Variants in DLG1 observed in about 807,000 individuals in gnomAD.
The protein encoded by DLG1 is discs large MAGUK scaffold protein 1.
Under a neutral mutation model 123.4 loss-of-function variants are expected in DLG1, and 42 were observed. The ratio of observed to expected loss-of-function variants is 0.34; its 90% CI spans 0.27 to 0.44. The LOEUF (loss-of-function observed/expected upper bound fraction) is 0.44, where lower values mean the gene tolerates loss of function less well. Ranked by LOEUF, DLG1 falls within the 20% of genes least tolerant of loss-of-function variation. DLG1 has a pLI of 1.00. For synonymous variants in DLG1, 317 were observed against 356.2 expected (o/e 0.89, Z 1.24); for missense variants, 942 against 1,082.6 (o/e 0.87, Z 1.82).
intron 19 of DLG1, among the ~76,000 whole-genome samples, chr3:197,067,551 G>GGTT (rs754603919): frequency 9.3e-6 from 1 of 107,380 alleles, no homozygotes; most frequent in Non-Finnish European, 1.8e-5. Context: ...AACTCTGAGA[G>GGTT]TTTTTTTTTT....
chr3:197,198,285 C>A (rs571408275), intron 4 of DLG1, among the ~76,000 whole-genome samples: 4 of 152,020 alleles, frequency 2.6e-5, no homozygotes, highest in African/African-American at 9.7e-5. Context: ...GTCAGGAGTT[C>A]GAGACTAGCC....
chr3:197,295,389 C>T (rs1187275982), intron 3 of DLG1, among the ~76,000 whole-genome samples: 2 of 151,882 alleles, frequency 1.3e-5, no homozygotes, highest in Non-Finnish European at 2.9e-5. Flanking sequence ...AGATGTAAGG[C>T]CATATCTGAC....
rs1460039904 is a variant in DLG1, at chr3:197,070,563, T to C, written c.2006-1303A>G. 6 of 128,778 alleles carry C rather than the reference T, an allele frequency of 4.7e-5. 1 individual carries two copies. Among genetic ancestry groups the C allele is most frequent in the African/African-American group, 1.8e-4 (6 of 33,896 alleles). 8.0% of individuals were successfully genotyped at this position (128,778 alleles called of 1,614,324 possible). On this transcript the variant is annotated intron_variant, in intron 18 of 24. Coordinates refer to ENST00000667157, the MANE Select transcript of DLG1 (RefSeq NM_001366207.1). Reference sequence around the variant, plus strand: ...GAATCACCACACCCAGCTGGAAATTTCATTTTTTTTTTTTTTTTTTTTTTG... The same window carrying C: ...GAATCACCACACCCAGCTGGAAATTCCATTTTTTTTTTTTTTTTTTTTTTG...
chr3:197,215,526 C>G (rs1451750622), intron 4 of DLG1, among the ~76,000 whole-genome samples: 3 of 152,016 alleles, frequency 2.0e-5, no homozygotes, highest in Non-Finnish European at 4.4e-5. Context: ...ACAGAAAACA[C>G]TGGTAATTTG....
chr3:197,185,338 T>C (rs1715232307), intron 5 of DLG1, among the ~76,000 whole-genome samples: 1 of 152,172 alleles, frequency 6.6e-6, no homozygotes, highest in Admixed American at 6.5e-5. Context: ...ATGCTAATGC[T>C]GTCTCTATGA....
At chr3:197,180,067 T>TGGG (rs60631930) in intron 5 of DLG1, among the ~76,000 whole-genome samples, 19 of 87,838 alleles carry the variant, frequency 2.2e-4, no homozygotes, top group African/African-American at 4.4e-4. Flanking sequence ...GTTTTTTTTT[T>TGGG]GGGGGGGGGG....
intron 4 of DLG1, among the ~76,000 whole-genome samples, chr3:197,214,074 T>C (rs1271792352): frequency 1.3e-5 from 2 of 152,136 alleles, no homozygotes; most frequent in African/African-American, 2.4e-5. Context: ...GCAAATGTAA[T>C]AGCTGTGATA....
chr3:197,296,963 C>CA, intron 2 of DLG1: 1 of 485,170 alleles, frequency 2.1e-6, no homozygotes, highest in Non-Finnish European at 3.6e-6. Context: ...TGGGGGGGGG[C>CA]TAACTGCCTC....
At chr3:197,243,070 G>GC (rs759699480) in intron 4 of DLG1, among the ~76,000 whole-genome samples, 4 of 152,122 alleles carry the variant, frequency 2.6e-5, no homozygotes, top group African/African-American at 4.8e-5. Context: ...AGTTACGATC[G>GC]CAAGAGCACA....
intron 3 of DLG1, among the ~76,000 whole-genome samples, chr3:197,295,328 T>A (rs1281261688): frequency 2.0e-5 from 3 of 152,230 alleles, no homozygotes; most frequent in African/African-American, 4.8e-5. Flanking sequence ...CAGGACACAC[T>A]GACTTGAAAG....
At chr3:197,216,969 A>T (rs187840893) in intron 4 of DLG1, among the ~76,000 whole-genome samples, 2 of 152,362 alleles carry the variant, frequency 1.3e-5, no homozygotes, top group East Asian at 3.9e-4. Context: ...TTAATTGTAG[A>T]AGTAACATCG....
At chr3:197,205,139 T>TA (rs1185236127) in intron 4 of DLG1, among the ~76,000 whole-genome samples, 8 of 152,188 alleles carry the variant, frequency 5.3e-5, no homozygotes, top group African/African-American at 1.9e-4. Context: ...TACTGGGACT[T>TA]ACTCCTTCCC....
At position 197,119,543 on chromosome 3, in the gene DLG1, C is replaced by A; in HGVS notation, c.1166-13G>T. Reference sequence around the variant, plus strand: ...GGCTGAGAAGAAGCTTCAAAATAAACAAAGTGAAAAATACTTCAAACACGA... The same window carrying A: ...GGCTGAGAAGAAGCTTCAAAATAAAAAAAGTGAAAAATACTTCAAACACGA... On this transcript the variant is annotated splice_polypyrimidine_tract_variant and intron_variant, in intron 11 of 24. Coordinates refer to ENST00000667157, the MANE Select transcript of DLG1 (RefSeq NM_001366207.1). The A allele has an allele frequency of 1.9e-6, 3 of 1,593,702 alleles. No homozygotes were observed. Among genetic ancestry groups the A allele is most frequent in the Middle Eastern group, 1.7e-4 (1 of 5,962 alleles).
At chr3:197,083,974 T>TA (rs963667383) in intron 16 of DLG1, among the ~76,000 whole-genome samples, 3 of 151,952 alleles carry the variant, frequency 2.0e-5, no homozygotes, top group South Asian at 2.1e-4. Flanking sequence ...CCTTGTCTCT[T>TA]AAAAAAATCA....
chr3:197,057,445 C>T (rs1306840526), intron 23 of DLG1, among the ~76,000 whole-genome samples: 1 of 152,116 alleles, frequency 6.6e-6, no homozygotes, highest in Admixed American at 6.5e-5. Flanking sequence ...CACAGGTAAG[C>T]GTTTCTGTGG....
At chr3:197,260,736 C>T (rs1758971200) in intron 4 of DLG1, among the ~76,000 whole-genome samples, 1 of 68,496 alleles carries the variant, frequency 1.5e-5, no homozygotes, top group Non-Finnish European at 2.7e-5. Flanking sequence ...TTTGGATACT[C>T]AAATGACAAC....
intron 19 of DLG1, among the ~76,000 whole-genome samples, chr3:197,067,496 TATATCTGAATATCTGAATCC>T (rs1255174078): frequency 6.6e-6 from 1 of 151,064 alleles, no homozygotes; most frequent in African/African-American, 2.4e-5. Context: ...GTCTACAAAT[TATATCTGAATATCTGAATCC>T]AGTGAAAAGA....
intron 18 of DLG1, among the ~76,000 whole-genome samples, chr3:197,076,290 ATGAATGTG>A (rs1412385508): frequency 1.3e-5 from 2 of 152,230 alleles, no homozygotes; most frequent in African/African-American, 2.4e-5. Flanking sequence ...CTTTGAATGT[ATGAATGTG>A]TTTTTCATAA....
chr3:197,156,992 C>T (rs545420648), intron 5 of DLG1, among the ~76,000 whole-genome samples: 1 of 152,134 alleles, frequency 6.6e-6, no homozygotes, highest in South Asian at 2.1e-4. Context: ...TTCTCAAGTG[C>T]ACATGGGAAT....
Sources: gnomAD v4.1 joint callset for allele counts (sites outside exome capture counted in the v4.1 genomes callset) on GRCh38, gnomAD v4.1.1 for gene constraint, MANE v1.5 for transcripts, NCBI Gene and HGNC (gene_info 2026-07-23, HGNC 2026-07-21) for gene names.